PCDHGA10: variants seen among roughly 807,000 people sequenced by gnomAD.
The protein encoded by PCDHGA10 is protocadherin gamma-A10.
A neutral mutation model predicts 59.5 loss-of-function variants in PCDHGA10; 42 were observed. That is an observed-to-expected ratio of 0.71 (90% confidence interval 0.55 to 0.91). The LOEUF is 0.91. Ranked by LOEUF, PCDHGA10 falls within the 40% of genes least tolerant of loss-of-function variation. The probability of loss-of-function intolerance (pLI) is 0.00; values close to 1 mark genes in which losing one functional copy is unlikely to be tolerated. For missense variants in PCDHGA10, 1,111 were observed against 1,198.2 expected (o/e 0.93, Z 1.07); for synonymous variants, 511 against 517.2 (o/e 0.99, Z 0.16).
intron 1 of PCDHGA10, among the ~76,000 whole-genome samples, chr5:141,459,220 A>G (rs1234283814): frequency 6.6e-6 from 1 of 152,234 alleles, no homozygotes; most frequent in Non-Finnish European, 1.5e-5. Flanking sequence ...CTCCAGCTCC[A>G]GGCAACAACT....
intron 3 of PCDHGA10, among the ~76,000 whole-genome samples, chr5:141,508,792 CT>C (rs1475631459): frequency 6.6e-6 from 1 of 152,130 alleles, no homozygotes; most frequent in Non-Finnish European, 1.5e-5. Flanking sequence ...CTAAATCACT[CT>C]GGAATCCTGG....
rs1308930168 is a variant in PCDHGA10, at chr5:141,489,620, A to G, written c.2437-5187A>G. 2.5e-6 allele frequency: 4 copies of G among 1,614,058 alleles called. No individual in the cohort carries two copies. Among genetic ancestry groups the G allele is most frequent in the South Asian group, 2.2e-5 (2 of 91,072 alleles). The stretch of plus-strand genomic sequence containing the variant: ...GTAGAGGTAGAGATCCTGGATCTCA[A>G]TGACAACTCTCCTAGCTTTGCCACC... On this transcript the variant is annotated intron_variant, in intron 1 of 3. Transcript: ENST00000398610. This position sits in a 1 kb window ranked among gnomAD's most constrained non-coding sequence, Gnocchi z 4.5.
chr5:141,442,135 G>C lies in PCDHGA10; in HGVS notation c.2436+26524G>C, dbSNP rs868124128. 8 of 164,066 alleles carry C rather than the reference G, an allele frequency of 4.9e-5. 1 individual carries two copies. The highest frequency in any genetic ancestry group is 2.8e-4 in the South Asian group (2 of 7,026). 10.2% of individuals were successfully genotyped at this position (164,066 alleles called of 1,614,324 possible). On this transcript the variant is annotated intron_variant, in intron 1 of 3. Transcript: ENST00000398610. ...CCCTCGTCGCCGACAGCCTGCAGGA[G>C]ACTCTGCCAGACCTCAGCGATCACT...
intron 1 of PCDHGA10, chr5:141,420,165 C>T: frequency 6.2e-7 from 1 of 1,614,022 alleles, no homozygotes; most frequent in South Asian, 1.1e-5. Flanking sequence ...AATTTTTTCA[C>T]ATCTGTTGAT....
intron 1 of PCDHGA10, among the ~76,000 whole-genome samples, chr5:141,436,713 G>C (rs2097842329): frequency 6.6e-6 from 1 of 152,308 alleles, no homozygotes; most frequent in East Asian, 1.9e-4. Flanking sequence ...TCGATGTTCT[G>C]TTGGGAAAAA....
At chr5:141,480,653 T>C (rs1214823403) in intron 1 of PCDHGA10, among the ~76,000 whole-genome samples, 2 of 152,190 alleles carry the variant, frequency 1.3e-5, no homozygotes, top group Admixed American at 1.3e-4. Context: ...TGGTTGCACA[T>C]TAAAATCACC....
At chr5:141,508,760 T>A (rs1004267844) in intron 3 of PCDHGA10, among the ~76,000 whole-genome samples, 17 of 151,522 alleles carry the variant, frequency 1.1e-4, no homozygotes, top group Admixed American at 1.1e-3. Flanking sequence ...CTCTGGCGCC[T>A]CTGAGGTCCC....
intron 2 of PCDHGA10, among the ~76,000 whole-genome samples, chr5:141,504,782 G>A (rs2099841011): frequency 6.6e-6 from 1 of 151,926 alleles, no homozygotes; most frequent in Non-Finnish European, 1.5e-5. Context: ...AGGGTCTCTT[G>A]GGGCCTCCTA....
At chr5:141,423,558 G>A (rs770532900) in intron 1 of PCDHGA10, 1 of 1,613,462 alleles carries the variant, frequency 6.2e-7, no homozygotes, top group African/African-American at 1.3e-5. Flanking sequence ...CCAACTATGG[G>A]GACACGCTCA....
chr5:141,477,298 T>C lies in PCDHGA10; in HGVS notation c.2437-17509T>C. ...TGGTGACCTGCGAAGTTCCACCGGG[T>C]CTCCCTTTCAGCCTTACTTCTTCCC... On this transcript the variant is annotated intron_variant, in intron 1 of 3. Coordinates refer to ENST00000398610, the MANE Select transcript of PCDHGA10 (RefSeq NM_018913.3). This position sits in a 1 kb window ranked among gnomAD's most constrained non-coding sequence, Gnocchi z 4.9. 1 of 1,613,344 alleles carries C rather than the reference T, an allele frequency of 6.2e-7. No individual in the cohort carries two copies. Among genetic ancestry groups the C allele is most frequent in the Non-Finnish European group, 8.5e-7 (1 of 1,179,870 alleles).
intron 1 of PCDHGA10, among the ~76,000 whole-genome samples, chr5:141,433,497 C>G (rs2097615154): frequency 6.6e-6 from 1 of 152,076 alleles, no homozygotes; most frequent in Non-Finnish European, 1.5e-5. Flanking sequence ...CCCTCCCAAA[C>G]TGCTGGGATT....
chr5:141,419,032 A>G (rs1421513275), intron 1 of PCDHGA10: 2 of 1,614,004 alleles, frequency 1.2e-6, no homozygotes, highest in Non-Finnish European at 1.7e-6. Flanking sequence ...GAGGTGTTCC[A>G]TTTAAGATTC....
At position 141,491,168 on chromosome 5, in the gene PCDHGA10, A is replaced by T. The variant is rs1293664414; in HGVS notation, c.2437-3639A>T. On this transcript the variant is annotated intron_variant, in intron 1 of 3. Transcript: ENST00000398610. This position sits in a 1 kb window ranked among gnomAD's most constrained non-coding sequence, Gnocchi z 6.9. ...CTGGAGGATGACTCTGACACCCAGC[A>T]GGTGGTGGTCCTGGTGAGGGACAAT... 3.1e-6 allele frequency: 5 copies of T among 1,614,160 alleles called. No individual in the cohort carries two copies. The highest frequency in any genetic ancestry group is 4.2e-6 in the Non-Finnish European group (5 of 1,179,988).
At chr5:141,464,008 G>A (rs1484928987) in intron 1 of PCDHGA10, among the ~76,000 whole-genome samples, 6 of 151,674 alleles carry the variant, frequency 4.0e-5, no homozygotes, top group Non-Finnish European at 7.4e-5. Flanking sequence ...GCTCATGCTT[G>A]TAATCCCACA....
chr5:141,469,376 A>T (rs572466149), intron 1 of PCDHGA10, among the ~76,000 whole-genome samples: 1 of 152,232 alleles, frequency 6.6e-6, no homozygotes, highest in East Asian at 1.9e-4. Flanking sequence ...AGAGATCGAG[A>T]CCATCCTGGC....
intron 1 of PCDHGA10, among the ~76,000 whole-genome samples, chr5:141,488,802 A>G (rs910422824): frequency 2.0e-5 from 3 of 152,294 alleles, no homozygotes; most frequent in Middle Eastern, 3.4e-3. Flanking sequence ...CCTGTTGAGT[A>G]CCATCTGAGC....
At chr5:141,420,256 TAAG>T (rs749213635) in intron 1 of PCDHGA10, 12 of 1,569,010 alleles carry the variant, frequency 7.6e-6, no homozygotes, top group South Asian at 1.2e-5. Context: ...TTGAAGCAGA[TAAG>T]AAGATTCTTA....
Position 141,490,536 on chromosome 5 carries a change from T to C in PCDHGA10, c.2437-4271T>C. ...TGCTGGCCAGCGATGCTGGTTCACCTTCCCTACACAAACATCTCACCATCA... is the reference window on the plus strand; with the variant it reads ...TGCTGGCCAGCGATGCTGGTTCACCCTCCCTACACAAACATCTCACCATCA... On this transcript the variant is annotated intron_variant, in intron 1 of 3. Transcript: ENST00000398610. The surrounding 1 kb of genome is among the most constrained non-coding windows in gnomAD (Gnocchi z 5.4). The C allele has an allele frequency of 1.9e-6, 3 of 1,614,150 alleles. No individual in the cohort carries two copies. The highest frequency in any genetic ancestry group is 2.5e-6 in the Non-Finnish European group (3 of 1,180,010).
At chr5:141,418,863 TAG>T (rs1165304037) in intron 1 of PCDHGA10, 1 of 1,613,990 alleles carries the variant, frequency 6.2e-7, no homozygotes, top group Non-Finnish European at 8.5e-7. Context: ...AAAGTAATTG[TAG>T]AAGTTGTAGA....
Sources: gnomAD v4.1 joint callset for allele counts (sites outside exome capture counted in the v4.1 genomes callset) on GRCh38, gnomAD v4.1.1 for gene constraint, Gnocchi (gnomAD v3.1) non-coding constraint, MANE v1.5 for transcripts, NCBI Gene and HGNC (gene_info 2026-07-23, HGNC 2026-07-21) for gene names.